The following ZNF516 variants were observed in gnomAD, a reference collection of about 807,000 sequenced individuals.
ZNF516 encodes zinc finger protein 516.
A neutral mutation model predicts 79.7 loss-of-function variants in ZNF516; 19 were observed. The observed-to-expected ratio is 0.24, with a 90% confidence interval of 0.17 to 0.35. The LOEUF is 0.35. Ranked by LOEUF, ZNF516 falls within the 10% of genes least tolerant of loss-of-function variation. The probability of loss-of-function intolerance (pLI) is 1.00; values close to 1 mark genes in which losing one functional copy is unlikely to be tolerated. For synonymous variants in ZNF516, 877 were observed against 739.5 expected (o/e 1.19, Z -3.02); for missense variants, 1,678 against 1,679.5 (o/e 1.00, Z 0.02).
chr18:76,410,358 G>T (rs531467934), intron 3 of ZNF516, among the ~76,000 whole-genome samples: 3 of 152,280 alleles, frequency 2.0e-5, no homozygotes, highest in African/African-American at 7.2e-5. Context: ...GGCTTCCAAG[G>T]TCTCAAGAAG....
chr18:76,443,582 G>A (rs894534903), intron 2 of ZNF516, among the ~76,000 whole-genome samples: 1 of 152,134 alleles, frequency 6.6e-6, no homozygotes, highest in African/African-American at 2.4e-5. Flanking sequence ...AGGAAAGCAA[G>A]GTTTAGGAAA....
chr18:76,413,109 C>A (rs993330470), intron 3 of ZNF516, among the ~76,000 whole-genome samples: 1 of 152,226 alleles, frequency 6.6e-6, no homozygotes, highest in Non-Finnish European at 1.5e-5. Flanking sequence ...TATTTGGAAA[C>A]AGGACGTACT....
intron 2 of ZNF516, among the ~76,000 whole-genome samples, chr18:76,456,520 T>C (rs1912733265): frequency 2.0e-5 from 3 of 150,452 alleles, no homozygotes; most frequent in Admixed American, 2.0e-4. Context: ...AGCTAAGGAG[T>C]CCACCCAAGT....
At chr18:76,403,568 C>A (rs1451694179) in intron 3 of ZNF516, among the ~76,000 whole-genome samples, 3 of 152,246 alleles carry the variant, frequency 2.0e-5, no homozygotes, top group East Asian at 3.9e-4. Flanking sequence ...ATACAGAGCA[C>A]CCAGCCCTGA....
At chr18:76,363,911 G>T (rs1275672790) in intron 6 of ZNF516, among the ~76,000 whole-genome samples, 1 of 152,184 alleles carries the variant, frequency 6.6e-6, no homozygotes, top group Non-Finnish European at 1.5e-5. Context: ...GGCGGGCAGG[G>T]GATGCCTGTG....
At chr18:76,417,377 CTT>C (rs1355746398) in intron 3 of ZNF516, among the ~76,000 whole-genome samples, 2 of 152,316 alleles carry the variant, frequency 1.3e-5, no homozygotes, top group East Asian at 1.9e-4. Context: ...TCTTGAGAAA[CTT>C]TTAAAATCTC....
At chr18:76,453,379 G>A (rs1016526546) in intron 2 of ZNF516, among the ~76,000 whole-genome samples, 6 of 152,234 alleles carry the variant, frequency 3.9e-5, no homozygotes, top group Middle Eastern at 3.4e-3. Context: ...CTGAGGGGCC[G>A]CTCTCCTTCC....
chr18:76,478,124 A>G (rs1211128171), intron 1 of ZNF516, among the ~76,000 whole-genome samples: 1 of 152,236 alleles, frequency 6.6e-6, no homozygotes, highest in African/African-American at 2.4e-5. Flanking sequence ...CTTCTACTCC[A>G]ACAACTATAT....
At chr18:76,473,568 A>C (rs185563403) in intron 1 of ZNF516, among the ~76,000 whole-genome samples, 2 of 152,186 alleles carry the variant, frequency 1.3e-5, no homozygotes, top group African/African-American at 4.8e-5. Context: ...TTGGGAGGCC[A>C]AGGTGGGCGG....
At chr18:76,428,804 C>T (rs1475063698) in intron 3 of ZNF516, among the ~76,000 whole-genome samples, 1 of 152,266 alleles carries the variant, frequency 6.6e-6, no homozygotes, top group African/African-American at 2.4e-5. Flanking sequence ...CCTTTCCAAG[C>T]ACTTCCTCAC....
At chr18:76,401,677 A>G (rs1285538078) in intron 3 of ZNF516, among the ~76,000 whole-genome samples, 1 of 144,550 alleles carries the variant, frequency 6.9e-6, no homozygotes, top group African/African-American at 2.6e-5. Flanking sequence ...CCGGAGCACA[A>G]CCGGCCTCCC....
At chr18:76,369,577 T>C (rs765832022) in intron 6 of ZNF516, among the ~76,000 whole-genome samples, 2 of 152,174 alleles carry the variant, frequency 1.3e-5, no homozygotes, top group South Asian at 2.1e-4. Flanking sequence ...TCGAGTTCCT[T>C]TGAGACCTCA....
intron 3 of ZNF516, among the ~76,000 whole-genome samples, chr18:76,431,107 C>T (rs2075654672): frequency 6.6e-6 from 1 of 152,126 alleles, no homozygotes; most frequent in East Asian, 1.9e-4. Flanking sequence ...TATGCAAATA[C>T]TGGATCCTAT....
At chr18:76,415,458 G>A (rs1468884152) in intron 3 of ZNF516, among the ~76,000 whole-genome samples, 5 of 152,128 alleles carry the variant, frequency 3.3e-5, no homozygotes, top group Admixed American at 6.5e-5. Flanking sequence ...CTGAGCCATC[G>A]CCTTAGACTG....
chr18:76,477,805 C>A (rs1914261698), intron 1 of ZNF516, among the ~76,000 whole-genome samples: 1 of 152,052 alleles, frequency 6.6e-6, no homozygotes. Flanking sequence ...AAACTCATTA[C>A]ACTGCATTTA....
chr18:76,372,028 G>A lies in ZNF516; in HGVS notation c.3260-457C>T, dbSNP rs990625490. 1.3e-4 allele frequency among the ~76,000 whole-genome samples: 20 copies of A among 152,280 alleles called. 1 individual carries two copies. The highest frequency in any genetic ancestry group is 2.5e-4 in the Non-Finnish European group (17 of 68,020). ...ATCCTGGGAGACCCACGCAGAGTGA[G>A]TGCGGCCACAGGGTGGCCCCACCTC... On this transcript the variant is annotated intron_variant, in intron 4 of 6. Coordinates refer to ENST00000443185, the MANE Select transcript of ZNF516 (RefSeq NM_014643.4).
At chr18:76,386,248 C>G (rs1472822301) in intron 3 of ZNF516, 2 of 152,076 alleles carry the variant, frequency 1.3e-5, no homozygotes, top group Non-Finnish European at 2.9e-5. Flanking sequence ...GTTGAACACA[C>G]AGGGTGGCTG....
chr18:76,379,376 C>T lies in ZNF516; in HGVS notation c.2738G>A (p.Ser913Asn), dbSNP rs368797113. 2.5e-6 allele frequency: 4 copies of T among 1,598,260 alleles called. No individual in the cohort carries two copies. The highest frequency in any genetic ancestry group is 3.4e-6 in the Non-Finnish European group (4 of 1,172,182). Residue 913 changes from serine to asparagine, a missense_variant, in exon 4 of 7, where the codon AGC (serine) becomes AAC (asparagine). Physicochemically the swap from Ser to Asn is conservative, Grantham distance 46. Transcript: ENST00000443185. ...ACCCGGGGCAGGCACCGGTTTGGAGCTAGCCTCCTGCCTGGGCTTGGCCAG... is the reference window on the plus strand; with the variant it reads ...ACCCGGGGCAGGCACCGGTTTGGAGTTAGCCTCCTGCCTGGGCTTGGCCAG... ...GPLAKPRQEA[S>N]SKPVPAPGGG...
chr18:76,464,045 C>T (rs996919915), intron 1 of ZNF516, among the ~76,000 whole-genome samples: 38 of 152,054 alleles, frequency 2.5e-4, no homozygotes, highest in African/African-American at 7.7e-4. Flanking sequence ...GACTCAAGGC[C>T]GGGCGCGGGT....
Sources: allele counts gnomAD v4.1 joint callset (sites outside exome capture counted in the v4.1 genomes callset), GRCh38; gene constraint gnomAD v4.1.1; transcripts MANE v1.5; gene names NCBI Gene and HGNC (gene_info 2026-07-23, HGNC 2026-07-21).